The following MCCC1 variants were observed in gnomAD, a reference collection of about 807,000 sequenced individuals.
The protein encoded by MCCC1 is methylcrotonyl-CoA carboxylase subunit 1.
Under a neutral mutation model 83.8 loss-of-function variants are expected in MCCC1, and 64 were observed. The observed-to-expected ratio is 0.76, with a 90% CI of 0.62 to 0.94. The LOEUF is 0.94. Ranked by LOEUF, MCCC1 falls within the 40% of genes least tolerant of loss-of-function variation. MCCC1 has a pLI of 0.00. For synonymous variants in MCCC1, 322 were observed against 315.4 expected (o/e 1.02, Z -0.22); for missense variants, 807 against 904.7 (o/e 0.89, Z 1.39).
chr3:183,025,846 A>G (rs1272132790), intron 14 of MCCC1, 42 bp from the exon 15 acceptor site: 1 of 1,526,452 alleles, frequency 6.6e-7, no homozygotes, highest in Non-Finnish European at 9.1e-7. Flanking sequence ...ATTAGAAGAC[A>G]TTCATTTATT....
At chr3:183,063,494 A>G (rs1258581031) in intron 7 of MCCC1, among the ~76,000 whole-genome samples, 1 of 152,208 alleles carries the variant, frequency 6.6e-6, no homozygotes, top group Non-Finnish European at 1.5e-5. Flanking sequence ...CTGGCACTCC[A>G]TTAGTTCAAC....
chr3:183,036,936 G>C (rs369041647), intron 13 of MCCC1, among the ~76,000 whole-genome samples: 1 of 152,136 alleles, frequency 6.6e-6, no homozygotes, highest in Non-Finnish European at 1.5e-5. Flanking sequence ...GCCTCCCAAA[G>C]TGCTGGGATT....
intron 7 of MCCC1, among the ~76,000 whole-genome samples, chr3:183,067,174 T>C (rs1716316679): frequency 6.6e-6 from 1 of 152,134 alleles, no homozygotes; most frequent in Non-Finnish European, 1.5e-5. Flanking sequence ...CCTCATTCCT[T>C]GTCTACACAG....
chr3:183,061,909 C>T (rs1029634927), intron 7 of MCCC1, among the ~76,000 whole-genome samples: 34 of 152,302 alleles, frequency 2.2e-4, no homozygotes, highest in African/African-American at 7.2e-4. Flanking sequence ...CCCATAATCC[C>T]CATGTGTGGT....
intron 3 of MCCC1, among the ~76,000 whole-genome samples, chr3:183,088,688 T>C (rs1024805118): frequency 2.0e-5 from 3 of 152,368 alleles, no homozygotes; most frequent in African/African-American, 4.8e-5. Flanking sequence ...ACTAGTCATA[T>C]ATGTTTATAT....
chr3:183,092,029 G>A (rs1434815783), intron 3 of MCCC1, among the ~76,000 whole-genome samples: 2 of 151,364 alleles, frequency 1.3e-5, no homozygotes, highest in Admixed American at 6.6e-5. Flanking sequence ...TCCAGCCTGG[G>A]CAACAGAGCG....
At chr3:183,020,865 C>T (rs945507746) in intron 16 of MCCC1, among the ~76,000 whole-genome samples, 5 of 152,084 alleles carry the variant, frequency 3.3e-5, no homozygotes, top group Non-Finnish European at 7.4e-5. Context: ...CAAAACCATC[C>T]TGGCTAACAT....
At chr3:183,086,861 CA>C in intron 3 of MCCC1, 73 bp from the exon 4 acceptor site, 1 of 1,332,336 alleles carries the variant, frequency 7.5e-7, no homozygotes, top group South Asian at 1.2e-5. Context: ...AGAACTGCTT[CA>C]GGGTCATTTT....
intron 4 of MCCC1, among the ~76,000 whole-genome samples, chr3:183,075,380 T>C (rs1023135099): frequency 1.4e-4 from 21 of 152,106 alleles, no homozygotes; most frequent in Non-Finnish European, 3.1e-4. Flanking sequence ...CATCTGTTAT[T>C]TTTTTGACTT....
chr3:183,021,210 T>C (rs1010857214), intron 16 of MCCC1, among the ~76,000 whole-genome samples: 3 of 152,168 alleles, frequency 2.0e-5, no homozygotes, highest in Non-Finnish European at 2.9e-5. Flanking sequence ...CACAACTCTA[T>C]GAGGAAGGTA....
Position 183,021,245 on chromosome 3 carries a change from G to A in MCCC1, c.1870-1008C>T, listed in dbSNP as rs748224994. On this transcript the variant is annotated intron_variant, in intron 16 of 18. Coordinates refer to ENST00000265594, the MANE Select transcript of MCCC1 (RefSeq NM_020166.5). ...ACTGTCATTATTATTATTTTTTAGAGGCAGGGTCTCACTCTGCCACCCAGG... is the reference window on the plus strand; with the variant it reads ...ACTGTCATTATTATTATTTTTTAGAAGCAGGGTCTCACTCTGCCACCCAGG... Among the ~76,000 whole-genome samples, 4 of 152,054 alleles carry A rather than the reference G, an allele frequency of 2.6e-5. No individual in the cohort carries two copies. The East Asian group carries it at 5.8e-4, about 22-fold the overall frequency.
At chr3:183,025,490 C>T (rs1389154711) in intron 15 of MCCC1, among the ~76,000 whole-genome samples, 1 of 152,126 alleles carries the variant, frequency 6.6e-6, no homozygotes, top group Non-Finnish European at 1.5e-5. Context: ...ACTTTAGGGG[C>T]TTGTGAATGT....
chr3:183,102,783 T>TTG, upstream of MCCC1, among the ~76,000 whole-genome samples: 1 of 115,256 alleles, frequency 8.7e-6, no homozygotes, highest in Non-Finnish European at 1.8e-5. Flanking sequence ...TTTTTTTTTT[T>TTG]TTTTTTTTTT....
At chr3:183,082,115 C>T (rs184598090) in intron 4 of MCCC1, among the ~76,000 whole-genome samples, 14 of 152,336 alleles carry the variant, frequency 9.2e-5, no homozygotes, top group Admixed American at 7.8e-4. Context: ...GTTCTTTCTG[C>T]TCATCCACAC....
intron 4 of MCCC1, among the ~76,000 whole-genome samples, chr3:183,081,783 A>G (rs907964017): frequency 6.6e-6 from 1 of 152,202 alleles, no homozygotes; most frequent in Non-Finnish European, 1.5e-5. Context: ...TTGGGGCTCA[A>G]CTCGGCTCAA....
At chr3:183,031,939 G>C (rs28366717) in intron 14 of MCCC1, among the ~76,000 whole-genome samples, 1 of 151,898 alleles carries the variant, frequency 6.6e-6, no homozygotes, top group African/African-American at 2.4e-5. Flanking sequence ...AAAGTGCTGA[G>C]ATTACAGGTG....
chr3:183,099,671 G>A (rs1719025746), upstream of MCCC1: 6 of 604,942 alleles, frequency 9.9e-6, no homozygotes, highest in Non-Finnish European at 1.8e-5. Context: ...GTGCTCGTGG[G>A]GGTGTGGCCT....
intron 1 of MCCC1, among the ~76,000 whole-genome samples, chr3:183,096,495 C>A (rs557243007): frequency 2.6e-5 from 4 of 152,206 alleles, no homozygotes; most frequent in South Asian, 2.1e-4. Context: ...AAAAGCACAG[C>A]GTGTGCATTA....
chr3:183,017,136 A>T, intron 18 of MCCC1, 130 bp downstream of exon 18: 1 of 874,350 alleles, frequency 1.1e-6, no homozygotes, highest in Non-Finnish European at 1.9e-6. Context: ...TTTGTTTCCT[A>T]CAATTAATGC....
Sources: gnomAD v4.1 joint callset for allele counts (sites outside exome capture counted in the v4.1 genomes callset) on GRCh38, gnomAD v4.1.1 for gene constraint, MANE v1.5 for transcripts, NCBI Gene and HGNC (gene_info 2026-07-23, HGNC 2026-07-21) for gene names.